Variants in LEKR1 observed in about 807,000 individuals in gnomAD.
LEKR1 encodes leucine, glutamate and lysine rich 1, also known as protein LEKR1.
LEKR1 carries 59 observed loss-of-function variants against 72.4 expected under a neutral mutation model. The observed-to-expected ratio is 0.82, with a 90% CI of 0.66 to 1.01. The LOEUF is 1.01. Ranked by LOEUF, LEKR1 falls within the 50% of genes least tolerant of loss-of-function variation. LEKR1 has a pLI of 0.00. For missense variants in LEKR1, 728 were observed against 759.2 expected (o/e 0.96, Z 0.48); for synonymous variants, 257 against 263.2 (o/e 0.98, Z 0.23).
intron 6 of LEKR1, among the ~76,000 whole-genome samples, chr3:156,953,411 C>T (rs1401131294): frequency 6.6e-6 from 1 of 151,494 alleles, no homozygotes; most frequent in Non-Finnish European, 1.5e-5. Context: ...CACAGGTAAA[C>T]GTGTGCCATA....
chr3:156,920,737 G>T, intron 4 of LEKR1, 43 bp downstream of exon 4: 1 of 1,076,464 alleles, frequency 9.3e-7, no homozygotes, highest in Non-Finnish European at 1.3e-6. Flanking sequence ...GAAAAGATAT[G>T]CTTAATACTA....
chr3:156,927,030 A>G (rs761550568), intron 4 of LEKR1, among the ~76,000 whole-genome samples: 3 of 151,934 alleles, frequency 2.0e-5, no homozygotes, highest in Non-Finnish European at 4.4e-5. Context: ...CACTACCTAT[A>G]TAACCATGGT....
chr3:156,877,259 T>C (rs1718712149), intron 3 of LEKR1, among the ~76,000 whole-genome samples: 1 of 152,202 alleles, frequency 6.6e-6, no homozygotes, highest in Non-Finnish European at 1.5e-5. Flanking sequence ...TCTATGTCCA[T>C]CAGGGATATT....
chr3:156,897,964 AAAAAAG>A (rs1207624050), intron 3 of LEKR1, among the ~76,000 whole-genome samples: 1 of 152,090 alleles, frequency 6.6e-6, no homozygotes, highest in Non-Finnish European at 1.5e-5. Flanking sequence ...AAAAAAAAAA[AAAAAAG>A]AAATTGTGGA....
At chr3:156,962,644 C>T (rs1453551529) in intron 6 of LEKR1, among the ~76,000 whole-genome samples, 2 of 152,136 alleles carry the variant, frequency 1.3e-5, no homozygotes, top group Non-Finnish European at 2.9e-5. Flanking sequence ...CAACATTGAA[C>T]TTTCATCTAA....
At chr3:156,997,001 G>T (rs906330501) in intron 9 of LEKR1, among the ~76,000 whole-genome samples, 2 of 151,772 alleles carry the variant, frequency 1.3e-5, no homozygotes, top group Non-Finnish European at 2.9e-5. Flanking sequence ...GGAGGCGGAG[G>T]TTGCAGTGAG....
At chr3:156,934,933 T>G (rs964388158) in intron 5 of LEKR1, among the ~76,000 whole-genome samples, 1 of 152,168 alleles carries the variant, frequency 6.6e-6, no homozygotes, top group Middle Eastern at 3.2e-3. Context: ...CATGAACATG[T>G]AGGTTGATCA....
intron 3 of LEKR1, among the ~76,000 whole-genome samples, chr3:156,919,938 G>A (rs532445439): frequency 1.3e-5 from 2 of 152,210 alleles, no homozygotes; most frequent in African/African-American, 4.8e-5. Flanking sequence ...TCTTCCAAAT[G>A]ACTTCTTACC....
intron 5 of LEKR1, among the ~76,000 whole-genome samples, chr3:156,941,969 T>TG (rs1157077170): frequency 1.2e-4 from 18 of 152,038 alleles, no homozygotes; most frequent in Non-Finnish European, 1.9e-4. Context: ...CTGGTCTTAT[T>TG]GGGGGGGATA....
intron 6 of LEKR1, among the ~76,000 whole-genome samples, chr3:156,952,123 C>G (rs1214724394): frequency 6.6e-6 from 1 of 151,338 alleles, no homozygotes; most frequent in African/African-American, 2.4e-5. Context: ...ATGTGGCAAG[C>G]TCTATTTAAA....
intron 3 of LEKR1, among the ~76,000 whole-genome samples, chr3:156,905,434 A>C (rs1722437684): frequency 1.3e-5 from 2 of 152,186 alleles, no homozygotes; most frequent in East Asian, 1.9e-4. Flanking sequence ...AAAGCAGTAT[A>C]ATACCACTGA....
At chr3:156,925,970 A>T (rs2321292) in intron 4 of LEKR1, among the ~76,000 whole-genome samples, 74,505 of 151,808 alleles carry the variant, frequency 0.49, 20,540 homozygotes, top group East Asian at 0.73. Context: ...AAAAGCATTT[A>T]TAAGCAAATT....
intron 5 of LEKR1, among the ~76,000 whole-genome samples, chr3:156,937,366 T>A (rs73027772): frequency 0.025 from 3,798 of 152,144 alleles, 161 homozygotes; most frequent in African/African-American, 0.086. Context: ...GCAAAAGATA[T>A]CAGTAGAAAT....
chr3:156,870,448 C>T (rs897116946), intron 3 of LEKR1, among the ~76,000 whole-genome samples: 3 of 151,858 alleles, frequency 2.0e-5, no homozygotes, highest in African/African-American at 7.3e-5. Flanking sequence ...TTTTTTGGAG[C>T]TATTGTAAAC....
At chr3:156,963,493 C>T (rs1728300228) in intron 6 of LEKR1, among the ~76,000 whole-genome samples, 1 of 152,122 alleles carries the variant, frequency 6.6e-6, no homozygotes, top group Admixed American at 6.6e-5. Flanking sequence ...AATTAATGAT[C>T]TCTCCCCATA....
chr3:156,899,699 C>CAT (rs1721781228), intron 3 of LEKR1, among the ~76,000 whole-genome samples: 1 of 142,946 alleles, frequency 7.0e-6, no homozygotes, highest in Non-Finnish European at 1.5e-5. Context: ...CACATATATA[C>CAT]ACGCATATAT....
intron 3 of LEKR1, among the ~76,000 whole-genome samples, chr3:156,882,630 G>C (rs973896767): frequency 1.3e-5 from 2 of 152,182 alleles, no homozygotes; most frequent in Admixed American, 6.6e-5. Flanking sequence ...AATACCATTT[G>C]ACCTAGCCAT....
At chr3:156,990,459 A>G (rs1731065927) in intron 7 of LEKR1, among the ~76,000 whole-genome samples, 1 of 152,198 alleles carries the variant, frequency 6.6e-6, no homozygotes. Context: ...ACCAAAATTT[A>G]TCCTTAGATA....
At chr3:156,936,623 A>G (rs909100413) in intron 5 of LEKR1, among the ~76,000 whole-genome samples, 14 of 152,192 alleles carry the variant, frequency 9.2e-5, no homozygotes, top group African/African-American at 3.1e-4. Context: ...TAAATAAAGT[A>G]ACAAAAAGGG....
Sources: allele counts gnomAD v4.1 joint callset (sites outside exome capture counted in the v4.1 genomes callset), GRCh38; gene constraint gnomAD v4.1.1; transcripts MANE v1.5; gene names NCBI Gene and HGNC (gene_info 2026-07-23, HGNC 2026-07-21).